Variants in DPP10 observed in about 807,000 individuals in gnomAD.
The protein encoded by DPP10 is inactive dipeptidyl peptidase 10.
In DPP10, 33 loss-of-function variants were observed where a neutral mutation model predicts 120.9. That is an observed-to-expected ratio of 0.27 (90% CI 0.21 to 0.37). DPP10 has a LOEUF of 0.37. DPP10 is among the 10% of genes least tolerant of loss of function. The pLI is 1.00. For synonymous variants in DPP10, 337 were observed against 326.1 expected (o/e 1.03, Z -0.36); for missense variants, 816 against 942.8 (o/e 0.87, Z 1.76).
rs191343135 is a variant in DPP10 at position 114,930,893 on chromosome 2, T to G, written c.61-378346T>G. On this transcript the variant is annotated intron_variant, in intron 1 of 25. Coordinates refer to ENST00000410059, the MANE Select transcript of DPP10 (RefSeq NM_020868.6). ...GGGAACTAATAGAGTGAGAACTTAT[T>G]AACTACTGCAAGAATGGCAGCAAGC... Among the ~76,000 whole-genome samples the G allele has an allele frequency of 1.2e-4, 18 of 152,250 alleles. No individual in the cohort carries two copies. The East Asian group carries it at 1.7e-3, about 15-fold the overall frequency.
At chr2:114,497,849 C>T (rs1012712537) in intron 1 of DPP10, among the ~76,000 whole-genome samples, 3 of 152,084 alleles carry the variant, frequency 2.0e-5, no homozygotes, top group African/African-American at 4.8e-5. Flanking sequence ...AAGTGGGAGG[C>T]ACAGAACAAG....
chr2:115,602,679 G>A (rs1468695890), intron 5 of DPP10, among the ~76,000 whole-genome samples: 1 of 152,024 alleles, frequency 6.6e-6, no homozygotes, highest in Non-Finnish European at 1.5e-5. Flanking sequence ...ACACCTGTTT[G>A]CAAGGTGACA....
At chr2:115,614,685 G>A (rs562870739) in intron 5 of DPP10, among the ~76,000 whole-genome samples, 46 of 152,234 alleles carry the variant, frequency 3.0e-4, no homozygotes, top group African/African-American at 1.0e-3. Context: ...TCGGCCAGGC[G>A]TAAGCAACCG....
At chr2:115,829,173 C>G (rs1688671844) in intron 21 of DPP10, among the ~76,000 whole-genome samples, 1 of 152,066 alleles carries the variant, frequency 6.6e-6, no homozygotes, top group Non-Finnish European at 1.5e-5. Context: ...ATTATGTTTT[C>G]TCTTTATTTA....
At chr2:114,836,582 A>G (rs1476669542) in intron 1 of DPP10, among the ~76,000 whole-genome samples, 1 of 152,226 alleles carries the variant, frequency 6.6e-6, no homozygotes, top group Non-Finnish European at 1.5e-5. Context: ...GCGAGATCAC[A>G]GGACCACAGG....
chr2:115,003,766 A>C (rs977757400), intron 1 of DPP10, among the ~76,000 whole-genome samples: 8 of 152,174 alleles, frequency 5.3e-5, no homozygotes, highest in African/African-American at 1.9e-4. Context: ...ATAGAAAGAG[A>C]TTAATGAATA....
At chr2:115,612,377 C>A (rs573133111) in intron 5 of DPP10, among the ~76,000 whole-genome samples, 1 of 152,138 alleles carries the variant, frequency 6.6e-6, no homozygotes, top group Non-Finnish European at 1.5e-5. Context: ...TGATCATTAC[C>A]CTTGTAAGTT....
chr2:115,812,101 T>G (rs1686708832), intron 19 of DPP10, among the ~76,000 whole-genome samples: 1 of 152,234 alleles, frequency 6.6e-6, no homozygotes, highest in African/African-American at 2.4e-5. Flanking sequence ...TGGCCATCAT[T>G]ATAGACACAG....
At chr2:115,715,408 C>A (rs1210908153) in intron 7 of DPP10, among the ~76,000 whole-genome samples, 3 of 151,152 alleles carry the variant, frequency 2.0e-5, no homozygotes, top group Non-Finnish European at 4.4e-5. Flanking sequence ...GTTGGCCCAG[C>A]TAAAATACCA....
chr2:115,223,410 T>TTTA (rs2057275994), intron 1 of DPP10, among the ~76,000 whole-genome samples: 1 of 152,142 alleles, frequency 6.6e-6, no homozygotes, highest in Admixed American at 6.6e-5. Context: ...GCAAGTAATT[T>TTTA]AAATTCTGAA....
intron 5 of DPP10, among the ~76,000 whole-genome samples, chr2:115,650,501 G>A (rs931281456): frequency 1.3e-5 from 2 of 151,780 alleles, no homozygotes; most frequent in African/African-American, 4.8e-5. Context: ...GCCTTATTAT[G>A]ACTCTAGTTT....
chr2:114,965,271 G>C (rs1197641266), intron 1 of DPP10, among the ~76,000 whole-genome samples: 1 of 151,998 alleles, frequency 6.6e-6, no homozygotes, highest in East Asian at 1.9e-4. Context: ...TGAGTAGCTG[G>C]GATTACAGGC....
chr2:115,450,836 C>A (rs2073052691), intron 3 of DPP10, among the ~76,000 whole-genome samples: 1 of 151,858 alleles, frequency 6.6e-6, no homozygotes, highest in Admixed American at 6.6e-5. Context: ...TCTTACCAAC[C>A]ATACATCTGT....
Position 115,657,390 on chromosome 2 carries a change from A to G in DPP10, c.442-32297A>G, listed in dbSNP as rs552784738. 2.0e-5 allele frequency among the ~76,000 whole-genome samples: 3 copies of G among 151,950 alleles called. No homozygotes were observed. In the South Asian group the frequency reaches 6.2e-4, roughly 31 times the overall value. ...ATTCATTTTAGTATGCGACTCTGCAATCGACAAAAATACATTTCTTTTAAT... is the reference window on the plus strand; with the variant it reads ...ATTCATTTTAGTATGCGACTCTGCAGTCGACAAAAATACATTTCTTTTAAT... On this transcript the variant is annotated intron_variant, in intron 5 of 25. Transcript: ENST00000410059.
chr2:115,479,113 T>C (rs932678629), intron 3 of DPP10, among the ~76,000 whole-genome samples: 114 of 152,294 alleles, frequency 7.5e-4, no homozygotes, highest in African/African-American at 2.6e-3. Flanking sequence ...CCCCTATTCA[T>C]AGCAGCATTA....
chr2:114,455,099 C>G (rs1678491147), intron 1 of DPP10, among the ~76,000 whole-genome samples: 1 of 151,536 alleles, frequency 6.6e-6, no homozygotes, highest in Non-Finnish European at 1.5e-5. Flanking sequence ...AAGACGATAT[C>G]ACTATGAGAA....
intron 1 of DPP10, among the ~76,000 whole-genome samples, chr2:115,018,916 C>T (rs1163142365): frequency 6.6e-6 from 1 of 151,952 alleles, no homozygotes; most frequent in East Asian, 1.9e-4. Context: ...GAGTGGACCT[C>T]AGAGAGCCCT....
At chr2:115,822,731 C>A (rs1687932235) in intron 21 of DPP10, among the ~76,000 whole-genome samples, 1 of 151,776 alleles carries the variant, frequency 6.6e-6, no homozygotes, top group East Asian at 1.9e-4. Flanking sequence ...TATCAATTTT[C>A]TATTAGAATA....
rs1688563566 is a variant in DPP10, at chr2:114,846,563, C to T, written c.60+403725C>T. Among the ~76,000 whole-genome samples, 6 of 148,736 alleles carry T rather than the reference C, an allele frequency of 4.0e-5. No individual in the cohort carries two copies. In the South Asian group the frequency reaches 1.3e-3, roughly 31 times the overall value. On this transcript the variant is annotated intron_variant, in intron 1 of 25. Transcript: ENST00000410059. ...TTTTACTGTTTCCTAAATGTAAATT[C>T]CATACTCAGATTCTGTTTTTTTTTT...
Sources: allele counts gnomAD v4.1 joint callset (sites outside exome capture counted in the v4.1 genomes callset), GRCh38; gene constraint gnomAD v4.1.1; transcripts MANE v1.5; gene names NCBI Gene and HGNC (gene_info 2026-07-23, HGNC 2026-07-21).